Variants in LTBP1 observed in about 807,000 individuals in gnomAD.
The protein encoded by LTBP1 is latent transforming growth factor beta binding protein 1.
In LTBP1, 129 loss-of-function variants were observed where a neutral mutation model predicts 207.6. The ratio of observed to expected loss-of-function variants is 0.62; its 90% CI spans 0.54 to 0.72. The LOEUF (loss-of-function observed/expected upper bound fraction) is 0.72. Ranked by LOEUF, LTBP1 falls within the 30% of genes least tolerant of loss-of-function variation. The probability of loss-of-function intolerance (pLI) is 0.00; values close to 1 mark genes in which losing one functional copy is unlikely to be tolerated. For missense variants in LTBP1, 2,281 were observed against 2,217.2 expected (o/e 1.03, Z -0.58); for synonymous variants, 963 against 833.7 (o/e 1.16, Z -2.67).
At chr2:33,086,324 G>A (rs1324432262) in intron 3 of LTBP1, among the ~76,000 whole-genome samples, 2 of 152,176 alleles carry the variant, frequency 1.3e-5, no homozygotes, top group Admixed American at 1.3e-4. Flanking sequence ...TTGCAAGATG[G>A]GAATACATCT....
rs558312685 is a variant in LTBP1 at position 33,292,737 on chromosome 2, G to C, written c.3113-423G>C. On this transcript the variant is annotated intron_variant, in intron 19 of 33. Coordinates refer to ENST00000404816, the MANE Select transcript of LTBP1 (RefSeq NM_206943.4). ...GTTAAAACTTCTCTGTGATTTCTCT[G>C]GGTCATGAGTCATATCTTTTGCTTT... Among the ~76,000 whole-genome samples, 4 of 152,164 alleles carry C rather than the reference G, an allele frequency of 2.6e-5. No individual in the cohort carries two copies. The South Asian group carries it at 8.3e-4, about 32-fold the overall frequency.
chr2:33,382,605 C>T (rs954628391), intron 31 of LTBP1, among the ~76,000 whole-genome samples: 3 of 152,144 alleles, frequency 2.0e-5, no homozygotes, highest in Non-Finnish European at 2.9e-5. Flanking sequence ...CACATCTTTC[C>T]GTACTCTCAG....
rs200376293 is a variant in LTBP1, at chr2:33,103,616, TGTGTGTGTGTGA to T, written c.864-6961_864-6950del. 4.1e-4 allele frequency among the ~76,000 whole-genome samples: 58 copies of T among 141,890 alleles called. 1 individual carries two copies. The East Asian group carries it at 9.7e-3, about 24-fold the overall frequency. The allele number at this position is 141,890 out of a possible 152,430, so 93.1% of individuals were successfully genotyped here. A position where few individuals can be genotyped will look rare whatever the true frequency, so the allele number is the denominator to read the frequency against. On this transcript the variant is annotated intron_variant, in intron 3 of 33. Coordinates refer to ENST00000404816, the MANE Select transcript of LTBP1 (RefSeq NM_206943.4). ...GTGTGTGTGTGTGTGTGTGTGTGTG[TGTGTGTGTGTGA>T]GTGTTATGCTGCCATGTGGCATCTT...
intron 3 of LTBP1, among the ~76,000 whole-genome samples, chr2:33,027,092 C>T (rs1188756265): frequency 6.6e-6 from 1 of 152,244 alleles, no homozygotes; most frequent in East Asian, 1.9e-4. Flanking sequence ...CTATAGCTTG[C>T]TCATTTATAT....
intron 2 of LTBP1, among the ~76,000 whole-genome samples, chr2:32,986,454 T>G (rs1250862297): frequency 6.6e-6 from 1 of 152,180 alleles, no homozygotes; most frequent in East Asian, 1.9e-4. Flanking sequence ...ATCCTAAGGT[T>G]TATGCTGACA....
intron 4 of LTBP1, among the ~76,000 whole-genome samples, chr2:33,128,829 C>T (rs142465440): frequency 9.2e-5 from 14 of 152,302 alleles, no homozygotes; most frequent in African/African-American, 2.2e-4. Flanking sequence ...TTTTTATGAA[C>T]GGATTCAAGA....
At chr2:33,141,373 A>T (rs2150765157) in intron 5 of LTBP1, among the ~76,000 whole-genome samples, 1 of 152,300 alleles carries the variant, frequency 6.6e-6, no homozygotes, top group Middle Eastern at 3.4e-3. Context: ...AATAATGTGA[A>T]CGTACTTAGC....
At chr2:33,272,203 T>C (rs2093335821) in intron 15 of LTBP1, among the ~76,000 whole-genome samples, 1 of 152,202 alleles carries the variant, frequency 6.6e-6, no homozygotes, top group African/African-American at 2.4e-5. Flanking sequence ...AACCCCAATT[T>C]AGGTCATTTC....
At chr2:32,980,642 T>C (rs1377955841) in intron 2 of LTBP1, among the ~76,000 whole-genome samples, 1 of 152,210 alleles carries the variant, frequency 6.6e-6, no homozygotes, top group Non-Finnish European at 1.5e-5. Context: ...TACAGTGTTA[T>C]AACATTCTAT....
At chr2:33,049,754 AG>A (rs2076629492) in intron 3 of LTBP1, among the ~76,000 whole-genome samples, 1 of 152,220 alleles carries the variant, frequency 6.6e-6, no homozygotes. Context: ...CAAAGCTAGA[AG>A]GAACTTTGAG....
At chr2:32,961,264 C>T (rs191827569) in intron 2 of LTBP1, among the ~76,000 whole-genome samples, 11 of 150,962 alleles carry the variant, frequency 7.3e-5, no homozygotes, top group Non-Finnish European at 1.3e-4. Context: ...GGGTCTCTGC[C>T]GAGCTCTCGT....
chr2:33,107,366 C>T lies in LTBP1; in HGVS notation c.864-3216C>T, dbSNP rs566573116. On this transcript the variant is annotated intron_variant, in intron 3 of 33. Transcript: ENST00000404816. The stretch of plus-strand genomic sequence containing the variant: ...TTACAACAGTCAGGGTTTCTCGGTG[C>T]ACTTTGAATCTCTTTACAGATTTGT... Among the ~76,000 whole-genome samples the T allele has an allele frequency of 5.9e-5, 9 of 152,164 alleles. No individual in the cohort carries two copies. In the South Asian group the frequency reaches 1.5e-3, roughly 25 times the overall value.
chr2:33,360,283 A>G (rs2094912489), intron 26 of LTBP1, among the ~76,000 whole-genome samples: 1 of 152,226 alleles, frequency 6.6e-6, no homozygotes, highest in Admixed American at 6.5e-5. Flanking sequence ...AAATGGCCCT[A>G]TGTTTGGCAA....
chr2:33,337,015 C>T (rs1454513609), intron 24 of LTBP1, among the ~76,000 whole-genome samples: 5 of 152,212 alleles, frequency 3.3e-5, no homozygotes, highest in East Asian at 1.9e-4. Context: ...AAAATTAAAA[C>T]GATTTTAATT....
chr2:32,976,528 C>G (rs778221330), intron 2 of LTBP1, among the ~76,000 whole-genome samples: 10 of 152,234 alleles, frequency 6.6e-5, no homozygotes, highest in Admixed American at 1.3e-4. Context: ...CAGATAGGCT[C>G]TTACCGTACT....
intron 26 of LTBP1, among the ~76,000 whole-genome samples, chr2:33,358,080 T>C (rs951946422): frequency 3.9e-5 from 6 of 152,186 alleles, no homozygotes; most frequent in African/African-American, 1.4e-4. Context: ...TTTCCCAGAA[T>C]GACCTTTGTG....
At chr2:33,286,460 A>T (rs1394725444) in intron 19 of LTBP1, among the ~76,000 whole-genome samples, 1 of 152,256 alleles carries the variant, frequency 6.6e-6, no homozygotes. Flanking sequence ...TTCATAGACT[A>T]ATCCAAAATT....
intron 5 of LTBP1, among the ~76,000 whole-genome samples, chr2:33,146,807 C>T (rs992471422): frequency 1.3e-5 from 2 of 152,184 alleles, no homozygotes; most frequent in Admixed American, 6.5e-5. Flanking sequence ...ACAAGAACAG[C>T]AAGGGAAAGT....
At chr2:33,066,843 A>G (rs1201155237) in intron 3 of LTBP1, among the ~76,000 whole-genome samples, 1 of 152,212 alleles carries the variant, frequency 6.6e-6, no homozygotes, top group Non-Finnish European at 1.5e-5. Context: ...AGTTAATTAA[A>G]TCATGCTTGA....
Sources: allele counts gnomAD v4.1 joint callset (sites outside exome capture counted in the v4.1 genomes callset), GRCh38; gene constraint gnomAD v4.1.1; transcripts MANE v1.5; gene names NCBI Gene and HGNC (gene_info 2026-07-23, HGNC 2026-07-21).